Variants in ATAD5 observed in about 807,000 individuals in gnomAD.
The protein encoded by ATAD5 is ATPase family AAA domain containing 5.
ATAD5 carries 58 observed loss-of-function variants against 176.9 expected under a neutral mutation model. The observed-to-expected ratio is 0.33, with a 90% confidence interval of 0.27 to 0.41. ATAD5 has a LOEUF of 0.41. ATAD5 is among the 10% of genes least tolerant of loss of function. The pLI is 1.00. For synonymous variants in ATAD5, 640 were observed against 712.6 expected (o/e 0.90, Z 1.62); for missense variants, 1,789 against 2,094.1 (o/e 0.85, Z 2.84).
intron 14 of ATAD5, 167 bp downstream of exon 14, chr17:30,869,813 C>T (rs1405555687): frequency 1.5e-6 from 1 of 656,788 alleles, no homozygotes; most frequent in Non-Finnish European, 2.5e-6. Flanking sequence ...ACCATCATAT[C>T]ATTTCACCCA....
chr17:30,835,154 C>T lies in ATAD5; in HGVS notation c.1073C>T (p.Pro358Leu), dbSNP rs927931035. 6.2e-7 allele frequency: 1 copy of T among 1,614,012 alleles called. No homozygotes were observed. ...GAAATGGAAAATAGTTTATCTGATC[C>T]TGAGAATGAACAGACAGTTCAGAAA... is the stretch of plus-strand genomic sequence containing the variant. ...QFEMENSLSDPENEQTVQKRK... is the reference protein window; with the variant it reads ...QFEMENSLSDLENEQTVQKRK... Residue 358 changes from proline (P) to leucine (L), a missense_variant, in exon 2 of 23, where the codon CCT becomes CTT. Pro to Leu is a moderately conservative substitution (Grantham distance 98). This residue lies in a region of ATAD5 where 696 missense variants were observed against 712.5 expected (regional missense o/e 0.98). Coordinates refer to ENST00000321990, the MANE Select transcript of ATAD5 (RefSeq NM_024857.5).
chr17:30,839,642 C>T (rs1301184013), intron 3 of ATAD5, among the ~76,000 whole-genome samples: 10 of 146,484 alleles, frequency 6.8e-5, no homozygotes, highest in African/African-American at 2.3e-4. Context: ...TGCAATGGCG[C>T]GATTTTGGCT....
chr17:30,843,751 A>G (rs1266190653), intron 4 of ATAD5, among the ~76,000 whole-genome samples, 162 bp from the exon 5 acceptor site: 2 of 152,106 alleles, frequency 1.3e-5, no homozygotes, highest in African/African-American at 4.8e-5. Context: ...GACTCCTGCT[A>G]TTCTATTGTG....
intron 19 of ATAD5, among the ~76,000 whole-genome samples, chr17:30,892,088 A>C (rs1286625101): frequency 6.6e-6 from 1 of 151,922 alleles, no homozygotes; most frequent in Non-Finnish European, 1.5e-5. Context: ...GATGGCTTTG[A>C]AAGTCCCCCA....
intron 14 of ATAD5, among the ~76,000 whole-genome samples, chr17:30,875,887 G>A (rs964178275): frequency 6.6e-6 from 1 of 151,108 alleles, no homozygotes; most frequent in Non-Finnish European, 1.5e-5. Flanking sequence ...CCTGTAATCC[G>A]AGCACTTTGG....
intron 10 of ATAD5, among the ~76,000 whole-genome samples, chr17:30,865,149 A>AC (rs200304442): frequency 1.0e-3 from 156 of 150,536 alleles, no homozygotes; most frequent in Non-Finnish European, 1.8e-3. Context: ...AAAAAAAAAA[A>AC]CCAATGTTTA....
At position 30,894,207 on chromosome 17, in the gene ATAD5, CAAT is replaced by C. The variant is rs752936350; in HGVS notation, c.5297+59_5297+61del. 48 of 1,382,948 alleles carry C rather than the reference CAAT, an allele frequency of 3.5e-5. No individual in the cohort carries two copies. The Middle Eastern group carries it at 1.2e-3, about 34-fold the overall frequency. The allele number at this position is 1,382,948 out of a possible 1,614,324, so 85.7% of individuals were successfully genotyped here. A position where few individuals can be genotyped will look rare whatever the true frequency, so the allele number is the denominator to read the frequency against. On this transcript the variant is annotated intron_variant, in intron 21 of 22. Transcript: ENST00000321990. The stretch of plus-strand genomic sequence containing the variant: ...TGGTAATAAATCGTAAAGGGGAAAT[CAAT>C]AGAGTTTTTTCTTAATTTAAAAATG...
intron 10 of ATAD5, among the ~76,000 whole-genome samples, chr17:30,861,182 A>T (rs916105204): frequency 6.6e-6 from 1 of 150,564 alleles, no homozygotes; most frequent in Non-Finnish European, 1.5e-5. Context: ...TCCTGACCTC[A>T]GGTGATCCAC....
At position 30,889,057 on chromosome 17, in the gene ATAD5, C is replaced by A. The variant is rs9913781; in HGVS notation, c.4258+1685C>A. On this transcript the variant is annotated intron_variant, in intron 19 of 22. Transcript: ENST00000321990. The stretch of plus-strand genomic sequence containing the variant: ...CCTGGGCGACAGAGTGAGACTCTGT[C>A]TCAAAAAAAAAAAAAAAAATTAAAA... Among the ~76,000 whole-genome samples, 508 of 136,148 alleles carry A rather than the reference C, an allele frequency of 3.7e-3. 4 individuals carry two copies. Among genetic ancestry groups the A allele is most frequent in the African/African-American group, 0.013 (490 of 37,686 alleles). 89.3% of individuals were successfully genotyped at this position (136,148 alleles called of 152,430 possible). A position where few individuals can be genotyped will look rare whatever the true frequency, so the allele number is the denominator to read the frequency against.
At chr17:30,846,728 T>TTTG (rs1906531742) in intron 6 of ATAD5, among the ~76,000 whole-genome samples, 1 of 151,264 alleles carries the variant, frequency 6.6e-6, no homozygotes, top group South Asian at 2.1e-4. Context: ...TCTCTTTTTT[T>TTTG]TTTTTTTTTG....
Position 30,876,421 on chromosome 17 carries a change from C to T in ATAD5, c.3655C>T (p.Pro1219Ser). The T allele has an allele frequency of 2.5e-6, 4 of 1,605,890 alleles. No homozygotes were observed. Among genetic ancestry groups the T allele is most frequent in the Non-Finnish European group, 3.4e-6 (4 of 1,176,874 alleles). ...KKVVTSPRKV[P>S]PPSPKSSGPK... is the part of the protein sequence containing the mutation. ...AGTTGTTACATCACCAAGAAAAGTT[C>T]CTCCACCATCACCAAAAAGTAGTGG... The change falls in exon 15 of 23, where the codon CCT becomes TCT. Residue 1219 changes from proline (P) to serine (S), a missense_variant. Around this residue, in one of 6 missense-constraint regions of ATAD5, gnomAD observed 194 missense variants for 270.1 expected, o/e 0.72. Transcript: ENST00000321990.
intron 6 of ATAD5, among the ~76,000 whole-genome samples, chr17:30,854,059 T>G (rs1907139961): frequency 6.6e-6 from 1 of 151,312 alleles, no homozygotes; most frequent in African/African-American, 2.4e-5. Context: ...ATTTAATTTC[T>G]TAACATGGGT....
At chr17:30,862,340 A>G (rs1047231065) in intron 10 of ATAD5, among the ~76,000 whole-genome samples, 7 of 122,332 alleles carry the variant, frequency 5.7e-5, no homozygotes, top group African/African-American at 1.6e-4. Flanking sequence ...TCTAGGGGGC[A>G]AAAAAAAAGG....
At chr17:30,857,810 G>A (rs988129934) in intron 8 of ATAD5, among the ~76,000 whole-genome samples, 3 of 147,880 alleles carry the variant, frequency 2.0e-5, no homozygotes, top group East Asian at 2.0e-4. Flanking sequence ...GCACGATCTC[G>A]GCTCACTGCA....
chr17:30,838,812 T>C (rs920722804), intron 3 of ATAD5, among the ~76,000 whole-genome samples: 2 of 152,188 alleles, frequency 1.3e-5, no homozygotes, highest in African/African-American at 2.4e-5. Flanking sequence ...TGTATCCAAA[T>C]TGGGACCTTT....
chr17:30,848,272 C>T (rs1211273682), intron 6 of ATAD5, among the ~76,000 whole-genome samples: 3 of 151,436 alleles, frequency 2.0e-5, no homozygotes, highest in Admixed American at 6.6e-5. Context: ...GAGACGGAGT[C>T]TCACTCTGTC....
intron 14 of ATAD5, among the ~76,000 whole-genome samples, chr17:30,870,665 C>A (rs1464823104): frequency 6.6e-6 from 1 of 152,078 alleles, no homozygotes; most frequent in African/African-American, 2.4e-5. Context: ...TCATTCATTC[C>A]TTTATTTATT....
Position 30,879,404 on chromosome 17 carries a change from TGTGTG to T in ATAD5, c.4013-18_4013-14del. On this transcript the variant is annotated splice_polypyrimidine_tract_variant and intron_variant, in intron 17 of 22. Coordinates refer to ENST00000321990, the MANE Select transcript of ATAD5 (RefSeq NM_024857.5). Reference sequence around the variant, plus strand: ...AGTGTTTAAGAATTTTTTTTTTTTGTGTGTGTGTGTGTGTGTAGACCCAACATTTA... The same window carrying T: ...AGTGTTTAAGAATTTTTTTTTTTTGTTGTGTGTGTGTAGACCCAACATTTA... 6.6e-7 allele frequency: 1 copy of T among 1,522,806 alleles called. No homozygotes were observed. The highest frequency in any genetic ancestry group is 1.5e-5 in the African/African-American group (1 of 67,284). The allele number at this position is 1,522,806 out of a possible 1,614,324, so 94.3% of individuals were successfully genotyped here.
At position 30,877,880 on chromosome 17, in the gene ATAD5, T is replaced by A. The variant is rs987200867; in HGVS notation, c.3919-123T>A. The A allele has an allele frequency of 3.2e-5, 23 of 708,090 alleles. No individual in the cohort carries two copies. In the African/African-American group the frequency reaches 4.1e-4, roughly 12 times the overall value. 43.9% of individuals were successfully genotyped at this position (708,090 alleles called of 1,614,324 possible). On this transcript the variant is annotated intron_variant, in intron 16 of 22. Coordinates refer to ENST00000321990, the MANE Select transcript of ATAD5 (RefSeq NM_024857.5). ...TAGTGTATGACATAAACTTTCAACA[T>A]GAGCTGAATTCACACTTCATAAATT...
Sources: allele counts gnomAD v4.1 joint callset (sites outside exome capture counted in the v4.1 genomes callset), GRCh38; gene constraint gnomAD v4.1.1; regional missense constraint gnomAD v4.1.1; transcripts MANE v1.5; gene names NCBI Gene and HGNC (gene_info 2026-07-23, HGNC 2026-07-21).